The following NUP210L variants were observed in gnomAD, a reference collection of about 807,000 sequenced individuals.
NUP210L encodes nucleoporin 210 like.
In NUP210L, 74 loss-of-function variants were observed where a neutral mutation model predicts 208.5. The observed-to-expected ratio is 0.35, with a 90% CI of 0.29 to 0.43. The LOEUF is 0.43. NUP210L is among the 20% of genes least tolerant of loss of function. NUP210L has a pLI of 1.00. For missense variants in NUP210L, 1,843 were observed against 2,289.4 expected (o/e 0.81, Z 3.98); for synonymous variants, 780 against 816.9 (o/e 0.95, Z 0.77).
At chr1:154,015,317 G>T (rs1651174946) in intron 33 of NUP210L, among the ~76,000 whole-genome samples, 1 of 151,814 alleles carries the variant, frequency 6.6e-6, no homozygotes, top group Non-Finnish European at 1.5e-5. Context: ...TAGATGTGGT[G>T]GCAAACACCT....
At chr1:154,014,723 G>A (rs1651143198) in intron 33 of NUP210L, among the ~76,000 whole-genome samples, 1 of 152,190 alleles carries the variant, frequency 6.6e-6, no homozygotes, top group Non-Finnish European at 1.5e-5. Context: ...TAAAGTTGGG[G>A]CCGGGTGCAG....
intron 2 of NUP210L, among the ~76,000 whole-genome samples, chr1:154,146,691 C>T (rs771318730): frequency 2.8e-5 from 4 of 140,410 alleles, no homozygotes; most frequent in African/African-American, 8.0e-5. Flanking sequence ...GTGGGTAAAG[C>T]TTCAAGGAGA....
intron 31 of NUP210L, among the ~76,000 whole-genome samples, 193 bp from the exon 32 acceptor site, chr1:154,022,536 T>G (rs889468438): frequency 1.3e-5 from 2 of 152,058 alleles, no homozygotes; most frequent in Non-Finnish European, 2.9e-5. Flanking sequence ...GAAGGCTTTT[T>G]TTTTTTTCCA....
At position 154,107,487 on chromosome 1, in the gene NUP210L, A is replaced by C. The variant is rs887604286; in HGVS notation, c.1621-3277T>G. Among the ~76,000 whole-genome samples the C allele has an allele frequency of 2.6e-5, 4 of 151,968 alleles. No homozygotes were observed. The South Asian group carries it at 8.3e-4, about 32-fold the overall frequency. ...AGACTCCGTCTCAAAAAAAAAAAAAAAACTAAAGAATGCATCAGTCTCTCA... is the reference window on the plus strand; with the variant it reads ...AGACTCCGTCTCAAAAAAAAAAAAACAACTAAAGAATGCATCAGTCTCTCA... On this transcript the variant is annotated intron_variant, in intron 12 of 39. Coordinates refer to ENST00000368559, the Ensembl canonical transcript of NUP210L.
At chr1:154,147,749 G>A (rs1479393190) in intron 2 of NUP210L, among the ~76,000 whole-genome samples, 4 of 150,384 alleles carry the variant, frequency 2.7e-5, no homozygotes, top group Non-Finnish European at 5.9e-5. Context: ...TGGGGTTCTG[G>A]GGTTCAAGCA....
At chr1:154,026,993 G>A (rs1159149357) in intron 29 of NUP210L, among the ~76,000 whole-genome samples, 1 of 145,750 alleles carries the variant, frequency 6.9e-6, no homozygotes, top group Non-Finnish European at 1.5e-5. Flanking sequence ...TGAGGCAGGA[G>A]AATTGCCTGA....
chr1:154,118,827 A>T lies in NUP210L; in HGVS notation c.1327-19T>A. On this transcript the variant is annotated intron_variant, in intron 10 of 39. Coordinates refer to ENST00000368559, the Ensembl canonical transcript of NUP210L. ...CTTTATTCTATAAGAGCAGGAAAAA[A>T]GGAGCAAAATATATTTATAAGGACT... The T allele has an allele frequency of 6.8e-7, 1 of 1,469,096 alleles. No individual in the cohort carries two copies. Among genetic ancestry groups the T allele is most frequent in the South Asian group, 1.2e-5 (1 of 81,958 alleles). The allele number at this position is 1,469,096 out of a possible 1,614,324, so 91.0% of individuals were successfully genotyped here.
exon 8 of NUP210L, chr1:154,129,320 T>C (rs1421565512): frequency 1.2e-6 from 2 of 1,610,996 alleles, no homozygotes; most frequent in Non-Finnish European, 1.7e-6. Flanking sequence ...AATTTGGGAG[T>C]CCAGACACAG....
chr1:154,074,489 T>A (rs1654934253), intron 16 of NUP210L, among the ~76,000 whole-genome samples: 2 of 80,178 alleles, frequency 2.5e-5, no homozygotes, highest in Admixed American at 1.7e-4. Context: ...GGGATCACGA[T>A]TTTTTTTTTT....
exon 38 of NUP210L, chr1:153,995,173 A>G (rs41315547): frequency 4.3e-4 from 697 of 1,610,974 alleles, no homozygotes; most frequent in Non-Finnish European, 5.8e-4. Context: ...CGGAATCTTC[A>G]CAGTGATCTA....
intron 17 of NUP210L, among the ~76,000 whole-genome samples, chr1:154,065,136 A>C (rs556579868): frequency 8.6e-4 from 114 of 133,182 alleles, no homozygotes; most frequent in African/African-American, 2.7e-3. Context: ...AAAATAAAAT[A>C]AAATCAGGTA....
chr1:154,064,335 C>T (rs112418603), intron 17 of NUP210L, among the ~76,000 whole-genome samples: 114 of 152,160 alleles, frequency 7.5e-4, no homozygotes, highest in African/African-American at 2.1e-3. Context: ...GGGACATCAG[C>T]AAATATGACA....
At chr1:154,036,204 T>C (rs1652532929) in intron 27 of NUP210L, among the ~76,000 whole-genome samples, 1 of 152,064 alleles carries the variant, frequency 6.6e-6, no homozygotes, top group Non-Finnish European at 1.5e-5. Flanking sequence ...AATTCCTCGT[T>C]ACTAATTTCT....
At chr1:154,146,761 A>G (rs72696227) in intron 2 of NUP210L, among the ~76,000 whole-genome samples, 46,275 of 151,994 alleles carry the variant, frequency 0.3, 7,982 homozygotes, top group Admixed American at 0.45. Flanking sequence ...TGGTTAATAC[A>G]TGTGCACAAA....
chr1:154,040,543 T>C (rs555971234), intron 27 of NUP210L, among the ~76,000 whole-genome samples: 1 of 152,076 alleles, frequency 6.6e-6, no homozygotes, highest in East Asian at 1.9e-4. Flanking sequence ...TAACCTCTGT[T>C]TGTAGTGTTC....
intron 23 of NUP210L, among the ~76,000 whole-genome samples, chr1:154,055,123 T>C (rs974523271): frequency 4.3e-5 from 5 of 117,140 alleles, no homozygotes; most frequent in South Asian, 3.1e-4. Context: ...TCTTTCTTTC[T>C]TTTCTTTCTT....
At chr1:154,104,171 A>G (rs1389873910) in exon 13 of NUP210L, 1 of 1,613,948 alleles carries the variant, frequency 6.2e-7, no homozygotes, top group African/African-American at 1.3e-5. Flanking sequence ...TCAGCATGAA[A>G]TGGTAACAGT....
chr1:154,139,862 C>G (rs1192847840), exon 5 of NUP210L: 3 of 1,613,412 alleles, frequency 1.9e-6, no homozygotes, highest in African/African-American at 1.3e-5. Flanking sequence ...TAATCCCAGA[C>G]ACTAAAATCA....
chr1:154,059,209 G>A (rs762894392), intron 20 of NUP210L, among the ~76,000 whole-genome samples: 13 of 151,922 alleles, frequency 8.6e-5, no homozygotes, highest in Admixed American at 4.6e-4. Flanking sequence ...ACGGTGGTCC[G>A]TGCCTGTAGT....
Sources: allele counts gnomAD v4.1 joint callset (sites outside exome capture counted in the v4.1 genomes callset), GRCh38; gene constraint gnomAD v4.1.1; transcripts MANE v1.5; gene names NCBI Gene and HGNC (gene_info 2026-07-23, HGNC 2026-07-21).